Variants in SYNRG observed in about 807,000 individuals in gnomAD.
SYNRG encodes AP1 gamma subunit binding protein 1.
SYNRG carries 37 observed loss-of-function variants against 130.9 expected under a neutral mutation model. The ratio of observed to expected loss-of-function variants is 0.28; its 90% CI spans 0.22 to 0.37. SYNRG has a LOEUF of 0.37. Ranked by LOEUF, SYNRG falls within the 10% of genes least tolerant of loss-of-function variation. The pLI is 1.00. For missense variants in SYNRG, 1,338 were observed against 1,588.9 expected (o/e 0.84, Z 2.68); for synonymous variants, 539 against 568.1 (o/e 0.95, Z 0.73).
At chr17:37,565,357 C>T (rs923480278) in intron 11 of SYNRG, among the ~76,000 whole-genome samples, 8 of 152,160 alleles carry the variant, frequency 5.3e-5, no homozygotes, top group African/African-American at 1.7e-4. Flanking sequence ...TCAATGGTGC[C>T]CAGGCTGGAG....
rs201579134 is a variant in SYNRG at position 37,561,605 on chromosome 17, A to C, written c.1482-16T>G. 1.3e-6 allele frequency: 2 copies of C among 1,582,148 alleles called. No homozygotes were observed. The highest frequency in any genetic ancestry group is 1.7e-6 in the Non-Finnish European group (2 of 1,151,248). ...AGAAGGGGCACTGAAGGAAAAAATA[A>C]ACATATTTTGATGACATTGAATCCC... On this transcript the variant is annotated splice_polypyrimidine_tract_variant and intron_variant, in intron 11 of 21. Transcript: ENST00000612223.
Position 37,542,088 on chromosome 17 carries a change from C to T in SYNRG, c.3086G>A (p.Ser1029Asn). The change falls in exon 15 of 22, where the codon AGT (serine) becomes AAT (asparagine). Residue 1029 changes from serine to asparagine, a missense_variant. This residue lies in a region of SYNRG where 1,146 missense variants were observed against 1,342.3 expected (regional missense o/e 0.85). Transcript: ENST00000612223. ...ECSDDFGEFQSEKPKISKFDF... is the reference protein window; with the variant it reads ...ECSDDFGEFQNEKPKISKFDF... ...AAATTTGCTGATTTTGGGCTTTTCACTTTGAAACTCTCCAAAGTCATCCGA... is the reference window on the plus strand; with the variant it reads ...AAATTTGCTGATTTTGGGCTTTTCATTTTGAAACTCTCCAAAGTCATCCGA... 2 of 1,614,186 alleles carry T rather than the reference C, an allele frequency of 1.2e-6. No individual in the cohort carries two copies. Among genetic ancestry groups the T allele is most frequent in the South Asian group, 1.1e-5 (1 of 91,086 alleles).
At chr17:37,604,364 G>C (rs2063561297) in intron 1 of SYNRG, among the ~76,000 whole-genome samples, 1 of 151,724 alleles carries the variant, frequency 6.6e-6, no homozygotes, top group Non-Finnish European at 1.5e-5. Context: ...GTACTTTTTT[G>C]TTATGGAGAT....
At chr17:37,565,806 G>C (rs755815772) in intron 11 of SYNRG, among the ~76,000 whole-genome samples, 2 of 149,962 alleles carry the variant, frequency 1.3e-5, no homozygotes, top group African/African-American at 4.9e-5. Flanking sequence ...CCCTCCGCCC[G>C]GCAGCCGCCC....
At chr17:37,562,461 G>A (rs2059610288) in intron 11 of SYNRG, among the ~76,000 whole-genome samples, 1 of 151,950 alleles carries the variant, frequency 6.6e-6, no homozygotes, top group African/African-American at 2.4e-5. Context: ...CTTTACATAT[G>A]AATGACTACA....
At chr17:37,566,547 T>G (rs1648665261) in intron 11 of SYNRG, among the ~76,000 whole-genome samples, 1 of 149,166 alleles carries the variant, frequency 6.7e-6, no homozygotes, top group African/African-American at 2.5e-5. Context: ...CTTTGTTCAC[T>G]TGTTTATCTG....
At chr17:37,554,647 A>C (rs563579441) in intron 13 of SYNRG, among the ~76,000 whole-genome samples, 3 of 152,292 alleles carry the variant, frequency 2.0e-5, no homozygotes, top group Middle Eastern at 3.4e-3. Flanking sequence ...ACTTTGATGA[A>C]AATTTTTGAA....
intron 1 of SYNRG, chr17:37,600,798 G>T: frequency 3.8e-6 from 1 of 261,640 alleles, no homozygotes. Flanking sequence ...TATACCACAG[G>T]GTAAATGTGC....
chr17:37,533,926 CTT>C (rs765621244), intron 19 of SYNRG, among the ~76,000 whole-genome samples: 197 of 57,762 alleles, frequency 3.4e-3, no homozygotes, highest in African/African-American at 0.014. Context: ...ATTTTCTTTT[CTT>C]TTTTTTTTTT....
chr17:37,524,426 T>C lies in SYNRG; in HGVS notation c.3667-3778A>G, dbSNP rs2055564863. On this transcript the variant is annotated intron_variant, in intron 19 of 21. Coordinates refer to ENST00000612223, the MANE Select transcript of SYNRG (RefSeq NM_007247.6). ...CTCCACAAATCTTTCTTAAACACAT[T>C]TGAGCTAGATCCACTGAGATCACAG... Among the ~76,000 whole-genome samples the C allele has an allele frequency of 2.0e-5, 3 of 152,234 alleles. No homozygotes were observed. In the South Asian group the frequency reaches 6.2e-4, roughly 31 times the overall value.
intron 15 of SYNRG, 200 bp downstream of exon 15, chr17:37,541,772 A>G: frequency 1.6e-6 from 1 of 615,326 alleles, no homozygotes; most frequent in Non-Finnish European, 2.8e-6. Flanking sequence ...TAGCCCATAA[A>G]GCAGTTATCT....
At chr17:37,607,737 C>A (rs1413952697) in intron 1 of SYNRG, among the ~76,000 whole-genome samples, 1 of 151,874 alleles carries the variant, frequency 6.6e-6, no homozygotes, top group Non-Finnish European at 1.5e-5. Context: ...TGCAGTGAGC[C>A]GACATCGTGC....
chr17:37,582,691 T>C (rs530362363), intron 6 of SYNRG, among the ~76,000 whole-genome samples: 1 of 152,146 alleles, frequency 6.6e-6, no homozygotes, highest in African/African-American at 2.4e-5. Context: ...TGAAATCCCG[T>C]CTCTACAAAA....
intron 1 of SYNRG, chr17:37,600,825 G>C (rs1598657716): frequency 4.9e-6 from 1 of 205,178 alleles, no homozygotes; most frequent in African/African-American, 2.4e-5. Flanking sequence ...CTATAAGCGA[G>C]GTCCAAATTA....
At chr17:37,592,549 AAACT>A (rs1192154273) in intron 3 of SYNRG, among the ~76,000 whole-genome samples, 1 of 152,228 alleles carries the variant, frequency 6.6e-6, no homozygotes, top group Admixed American at 6.5e-5. Flanking sequence ...AAGGTTAAAC[AAACT>A]GTCATACATC....
Position 37,568,782 on chromosome 17 carries a change from C to A in SYNRG, c.1481+9G>T, listed in dbSNP as rs2060190779. 6.2e-7 allele frequency: 1 copy of A among 1,613,200 alleles called. No homozygotes were observed. Among genetic ancestry groups the A allele is most frequent in the African/African-American group, 1.3e-5 (1 of 74,868 alleles). On this transcript the variant is annotated intron_variant, in intron 11 of 21. Transcript: ENST00000612223. ...AATGCAATGTTAAATATATTAAACT[C>A]TTTTCTACCTGTTTCCATGCTGGGA... is the stretch of plus-strand genomic sequence containing the variant.
intron 1 of SYNRG, 46 bp downstream of exon 1, chr17:37,609,233 G>A: frequency 7.2e-7 from 1 of 1,387,958 alleles, no homozygotes; most frequent in Non-Finnish European, 9.3e-7. Context: ...GCCCCTCGCC[G>A]CCCCCGCGGA....
intron 2 of SYNRG, among the ~76,000 whole-genome samples, chr17:37,599,419 T>C (rs2063072293): frequency 6.6e-6 from 1 of 152,138 alleles, no homozygotes; most frequent in African/African-American, 2.4e-5. Flanking sequence ...GAGAAATTTC[T>C]AGGAATAGAA....
At chr17:37,523,061 C>G (rs927422418) in intron 19 of SYNRG, among the ~76,000 whole-genome samples, 1 of 152,158 alleles carries the variant, frequency 6.6e-6, no homozygotes, top group Admixed American at 6.5e-5. Context: ...ATAAATAACC[C>G]TGAAAGCTAG....
Sources: allele counts gnomAD v4.1 joint callset (sites outside exome capture counted in the v4.1 genomes callset), GRCh38; gene constraint gnomAD v4.1.1; regional missense constraint gnomAD v4.1.1; transcripts MANE v1.5; gene names NCBI Gene and HGNC (gene_info 2026-07-23, HGNC 2026-07-21).